Variants in CSMD1 observed in about 807,000 individuals in gnomAD.
CSMD1 encodes the protein CUB and sushi domain-containing protein 1.
A neutral mutation model predicts 417.5 loss-of-function variants in CSMD1; 213 were observed. That is an observed-to-expected ratio of 0.51 (90% confidence interval 0.46 to 0.57). The LOEUF (loss-of-function observed/expected upper bound fraction) is 0.57, where lower values mean the gene tolerates loss of function less well. CSMD1 is among the 20% of genes least tolerant of loss of function. CSMD1 has a pLI of 0.00. For missense variants in CSMD1, 6,923 were observed against 4,529.7 expected (o/e 1.53, Z -15.17); for synonymous variants, 2,862 against 1,736.8 (o/e 1.65, Z -16.11).
At chr8:3,672,885 A>G (rs1256391362) in intron 7 of CSMD1, among the ~76,000 whole-genome samples, 1 of 152,180 alleles carries the variant, frequency 6.6e-6, no homozygotes, top group African/African-American at 2.4e-5. Context: ...CAATCCATGA[A>G]AATCCATGGT....
chr8:3,692,025 A>T (rs1049917817), intron 7 of CSMD1, among the ~76,000 whole-genome samples: 6 of 152,166 alleles, frequency 3.9e-5, no homozygotes, highest in African/African-American at 1.4e-4. Flanking sequence ...TCTCATCATC[A>T]GCAGAGCCGT....
At chr8:4,839,431 G>A (rs1265590654) in intron 1 of CSMD1, among the ~76,000 whole-genome samples, 2 of 152,036 alleles carry the variant, frequency 1.3e-5, no homozygotes, top group East Asian at 3.9e-4. Flanking sequence ...TGTATTTCTA[G>A]TTCTGAAAAA....
At chr8:3,973,923 C>A (rs1056265183) in intron 5 of CSMD1, among the ~76,000 whole-genome samples, 1 of 152,108 alleles carries the variant, frequency 6.6e-6, no homozygotes, top group African/African-American at 2.4e-5. Context: ...TACAGGAATG[C>A]CATGTGAAAC....
chr8:4,630,457 A>G (rs1052609538), intron 2 of CSMD1, among the ~76,000 whole-genome samples: 8 of 151,474 alleles, frequency 5.3e-5, no homozygotes, highest in African/African-American at 2.0e-4. Context: ...ATACTCAAAA[A>G]CAAAACAAAA....
intron 5 of CSMD1, among the ~76,000 whole-genome samples, chr8:3,947,132 T>A (rs1478837187): frequency 6.6e-6 from 1 of 152,202 alleles, no homozygotes; most frequent in African/African-American, 2.4e-5. Context: ...ATTCAGTCTT[T>A]CATCATTAAG....
chr8:3,584,378 A>G (rs1800510377), intron 9 of CSMD1, among the ~76,000 whole-genome samples: 1 of 152,156 alleles, frequency 6.6e-6, no homozygotes, highest in Admixed American at 6.5e-5. Flanking sequence ...CCAAAATATG[A>G]TCAAGTGGGA....
At chr8:3,513,122 T>TG (rs762144204) in intron 10 of CSMD1, among the ~76,000 whole-genome samples, 1,470 of 118,746 alleles carry the variant, frequency 0.012, 10 homozygotes, top group Middle Eastern at 0.023. Flanking sequence ...TGAATTATTA[T>TG]TATTATTTTT....
chr8:3,505,778 G>A (rs1393947180), intron 10 of CSMD1, among the ~76,000 whole-genome samples: 3 of 152,188 alleles, frequency 2.0e-5, no homozygotes, highest in African/African-American at 7.2e-5. Flanking sequence ...TTTTATGTGA[G>A]AAGGAAGAGA....
intron 5 of CSMD1, among the ~76,000 whole-genome samples, chr8:3,819,537 C>CAA (rs1296088095): frequency 1.5e-4 from 7 of 46,944 alleles, no homozygotes; most frequent in Non-Finnish European, 2.6e-4. Context: ...GATTTCTACA[C>CAA]ACACACACAC....
chr8:4,152,736 A>G (rs1005697215), intron 3 of CSMD1, among the ~76,000 whole-genome samples: 1 of 151,732 alleles, frequency 6.6e-6, no homozygotes. Flanking sequence ...CACAATAGAT[A>G]TATACGTCCA....
chr8:4,239,308 A>T (rs568902126), intron 3 of CSMD1, among the ~76,000 whole-genome samples: 19 of 152,330 alleles, frequency 1.2e-4, no homozygotes, highest in African/African-American at 4.6e-4. Flanking sequence ...TGTGGGCAAC[A>T]CCAGTGCTAA....
intron 2 of CSMD1, among the ~76,000 whole-genome samples, chr8:4,496,706 T>A (rs570417515): frequency 6.6e-6 from 1 of 152,220 alleles, no homozygotes; most frequent in East Asian, 1.9e-4. Context: ...GCACTTGCAT[T>A]CAATCATCAG....
intron 3 of CSMD1, among the ~76,000 whole-genome samples, chr8:4,349,739 T>C (rs12541923): frequency 0.034 from 5,106 of 152,208 alleles, 92 homozygotes; most frequent in Middle Eastern, 0.045. Flanking sequence ...TTATTTGACA[T>C]TTTTCAAATG....
At chr8:4,664,449 A>G (rs1203066403) in intron 1 of CSMD1, among the ~76,000 whole-genome samples, 1 of 151,798 alleles carries the variant, frequency 6.6e-6, no homozygotes, top group African/African-American at 2.4e-5. Flanking sequence ...GGTCTCAGCT[A>G]CTCCAGAGGC....
rs930037145 is a variant in CSMD1, at chr8:4,266,823, T to C, written c.415+153130A>G. ...CTTAAATAGTGGATTGTGATGACTT[T>C]TCATTTACTGCAAAAATAAAAATAT... On this transcript the variant is annotated intron_variant, in intron 3 of 69. Transcript: ENST00000635120. Among the ~76,000 whole-genome samples the C allele has an allele frequency of 1.9e-5, 2 of 104,678 alleles. 1 individual carries two copies. Among genetic ancestry groups the C allele is most frequent in the Non-Finnish European group, 5.2e-5 (2 of 38,830 alleles). 68.7% of individuals were successfully genotyped at this position (104,678 alleles called of 152,430 possible).
Position 4,070,502 on chromosome 8 carries a change from C to T in CSMD1, c.416-38403G>A, listed in dbSNP as rs541766306. On this transcript the variant is annotated intron_variant, in intron 3 of 69. Coordinates refer to ENST00000635120, the MANE Select transcript of CSMD1 (RefSeq NM_033225.6). ...CCTCCCGAGTAGCTGGGACTACAGG[C>T]GCCCGCCACCACGGCCGGCTATTTT... 3.0e-4 allele frequency among the ~76,000 whole-genome samples: 46 copies of T among 152,144 alleles called. 1 individual carries two copies. In the East Asian group the frequency reaches 7.4e-3, roughly 24 times the overall value.
At chr8:3,150,909 A>G (rs1188359021) in intron 40 of CSMD1, among the ~76,000 whole-genome samples, 1 of 152,214 alleles carries the variant, frequency 6.6e-6, no homozygotes, top group Non-Finnish European at 1.5e-5. Context: ...ATAACTAGAT[A>G]TTAAAAAAAC....
intron 2 of CSMD1, among the ~76,000 whole-genome samples, chr8:4,573,187 G>C (rs1173503570): frequency 6.6e-6 from 1 of 152,166 alleles, no homozygotes. Context: ...ATCCTTTGGA[G>C]GAGAAGAGGC....
At chr8:3,873,473 C>T (rs987852319) in intron 5 of CSMD1, among the ~76,000 whole-genome samples, 11 of 152,006 alleles carry the variant, frequency 7.2e-5, no homozygotes, top group Non-Finnish European at 1.2e-4. Context: ...AAATACCACA[C>T]GTTCTACCTT....
Sources: gnomAD v4.1 joint callset for allele counts (sites outside exome capture counted in the v4.1 genomes callset) on GRCh38, gnomAD v4.1.1 for gene constraint, MANE v1.5 for transcripts, NCBI Gene and HGNC (gene_info 2026-07-23, HGNC 2026-07-21) for gene names.